The following FOXP2 variants were observed in gnomAD, a reference collection of about 807,000 sequenced individuals.
The protein encoded by FOXP2 is forkhead box P2, also known as forkhead box protein P2.
In FOXP2, 12 loss-of-function variants were observed where a neutral mutation model predicts 115.8. The ratio of observed to expected loss-of-function variants is 0.10; its 90% CI spans 0.07 to 0.17. The LOEUF is 0.17. Ranked by LOEUF, FOXP2 falls within the 10% of genes least tolerant of loss-of-function variation. The probability of loss-of-function intolerance (pLI) is 1.00; values close to 1 mark genes in which losing one functional copy is unlikely to be tolerated. For synonymous variants in FOXP2, 328 were observed against 297.7 expected (o/e 1.10, Z -1.05); for missense variants, 629 against 843.5 (o/e 0.75, Z 3.15).
intron 2 of FOXP2, among the ~76,000 whole-genome samples, 196 bp downstream of exon 2, chr7:114,426,875 G>A (rs760679121): frequency 6.6e-6 from 1 of 151,658 alleles, no homozygotes; most frequent in Non-Finnish European, 1.5e-5. Context: ...CAGTACCAGA[G>A]TACCCTTCAG....
At chr7:114,186,221 C>T (rs1362271322) in intron 1 of FOXP2, among the ~76,000 whole-genome samples, 2 of 152,134 alleles carry the variant, frequency 1.3e-5, no homozygotes, top group Non-Finnish European at 2.9e-5. Flanking sequence ...AAATTCCTTC[C>T]ATCCCAGTAG....
chr7:114,384,920 GA>G (rs1232322932), intron 2 of FOXP2, among the ~76,000 whole-genome samples: 1 of 151,890 alleles, frequency 6.6e-6, no homozygotes, highest in Non-Finnish European at 1.5e-5. Flanking sequence ...ACAACAAAGT[GA>G]CAATTATCAA....
At chr7:114,252,286 T>C (rs1325122459) in intron 1 of FOXP2, among the ~76,000 whole-genome samples, 1 of 152,204 alleles carries the variant, frequency 6.6e-6, no homozygotes, top group East Asian at 1.9e-4. Context: ...GGCTTTGGTA[T>C]CAGGATGATG....
intron 3 of FOXP2, among the ~76,000 whole-genome samples, chr7:114,600,811 T>G (rs1028286981): frequency 6.6e-6 from 1 of 152,218 alleles, no homozygotes; most frequent in Non-Finnish European, 1.5e-5. Flanking sequence ...GTGAGGTGTC[T>G]CTTCAGATCT....
At chr7:114,104,879 G>A (rs1483270050) in intron 1 of FOXP2, among the ~76,000 whole-genome samples, 1 of 151,930 alleles carries the variant, frequency 6.6e-6, no homozygotes, top group African/African-American at 2.4e-5. Flanking sequence ...ATGATGCTGA[G>A]GAAATATCTT....
intron 2 of FOXP2, among the ~76,000 whole-genome samples, chr7:114,294,542 A>T (rs914208821): frequency 1.3e-5 from 2 of 151,960 alleles, no homozygotes; most frequent in African/African-American, 2.4e-5. Flanking sequence ...AACAACATTT[A>T]AAAAAAATAA....
chr7:114,520,656 GTAGA>G lies in FOXP2; in HGVS notation c.169-13948_169-13945del, dbSNP rs552044783. 3.5e-3 allele frequency among the ~76,000 whole-genome samples: 536 copies of G among 152,128 alleles called. 1 individual carries two copies. The highest frequency in any genetic ancestry group is 5.3e-3 in the Non-Finnish European group (359 of 67,934). ...TGAAAATACAAACATAGGTAGGTAG[GTAGA>G]TAGATAGATAGACAGATATTAGATA... On this transcript the variant is annotated intron_variant, in intron 2 of 16. Transcript: ENST00000350908.
chr7:114,305,378 C>T (rs913586357), intron 2 of FOXP2, among the ~76,000 whole-genome samples: 3 of 152,138 alleles, frequency 2.0e-5, no homozygotes, highest in South Asian at 4.1e-4. Flanking sequence ...CAGTAGTTTT[C>T]GAGTATTACA....
In FOXP2 at chr7:114,476,787, C is replaced by T. The variant is rs1178488478; in HGVS notation, c.168+50108C>T. ...TTTCCCATTTGTTTGTGTCATCTCC[C>T]GATTTCTTTCAGCGGTGTTTTGTAG... is the stretch of plus-strand genomic sequence containing the variant. On this transcript the variant is annotated intron_variant, in intron 2 of 16. Coordinates refer to ENST00000350908, the MANE Select transcript of FOXP2 (RefSeq NM_014491.4). 2.6e-5 allele frequency among the ~76,000 whole-genome samples: 4 copies of T among 151,874 alleles called. No homozygotes were observed. In the South Asian group the frequency reaches 8.3e-4, roughly 32 times the overall value.
chr7:114,374,459 T>C (rs1467521937), intron 2 of FOXP2, among the ~76,000 whole-genome samples: 1 of 152,208 alleles, frequency 6.6e-6, no homozygotes. Flanking sequence ...TTAATATTTA[T>C]TGTATGTTAA....
intron 2 of FOXP2, among the ~76,000 whole-genome samples, chr7:114,376,909 C>T (rs553211858): frequency 3.3e-5 from 5 of 152,212 alleles, no homozygotes; most frequent in African/African-American, 7.2e-5. Context: ...TTTTTATAGA[C>T]GTGAGTTTAG....
chr7:114,197,549 A>C (rs368092937), intron 1 of FOXP2, among the ~76,000 whole-genome samples: 121 of 152,230 alleles, frequency 7.9e-4, no homozygotes, highest in Middle Eastern at 3.4e-3. Flanking sequence ...TTCAAATACC[A>C]TCATATTGGG....
intron 2 of FOXP2, among the ~76,000 whole-genome samples, chr7:114,384,310 C>G (rs548117314): frequency 3.3e-5 from 5 of 152,182 alleles, no homozygotes; most frequent in Non-Finnish European, 5.9e-5. Context: ...AAGATGCATT[C>G]CCATAAACAA....
At chr7:114,219,707 C>T (rs1371656524) in intron 1 of FOXP2, among the ~76,000 whole-genome samples, 1 of 152,014 alleles carries the variant, frequency 6.6e-6, no homozygotes, top group Non-Finnish European at 1.5e-5. Context: ...TAATTTGTTA[C>T]CCCTCCATTC....
At chr7:114,684,039 A>T (rs1487384775) in intron 16 of FOXP2, among the ~76,000 whole-genome samples, 2 of 151,916 alleles carry the variant, frequency 1.3e-5, no homozygotes, top group Non-Finnish European at 2.9e-5. Context: ...CTTTTAAAAA[A>T]TTTTTCTTTA....
chr7:114,237,749 G>A (rs764378518), intron 1 of FOXP2, among the ~76,000 whole-genome samples: 19 of 151,914 alleles, frequency 1.3e-4, no homozygotes, highest in Non-Finnish European at 2.6e-4. Context: ...TGAGGCAAGC[G>A]GATTACTTGA....
chr7:114,425,178 C>A (rs1584719155), intron 1 of FOXP2, among the ~76,000 whole-genome samples: 1 of 151,294 alleles, frequency 6.6e-6, no homozygotes, highest in Non-Finnish European at 1.5e-5. Context: ...TAATAAATGC[C>A]TTTCAAAATT....
Position 114,508,734 on chromosome 7 carries a change from T to G in FOXP2, c.169-25883T>G, listed in dbSNP as rs537958806. Among the ~76,000 whole-genome samples, 124 of 152,220 alleles carry G rather than the reference T, an allele frequency of 8.1e-4. 1 individual carries two copies. The highest frequency in any genetic ancestry group is 2.9e-3 in the African/African-American group (120 of 41,568). ...TTAGAATAACAGCAGTAAAAAGGATTGATCTGGGCTAAACTTTAAGAATTA... is the reference window on the plus strand; with the variant it reads ...TTAGAATAACAGCAGTAAAAAGGATGGATCTGGGCTAAACTTTAAGAATTA... On this transcript the variant is annotated intron_variant, in intron 2 of 16. Transcript: ENST00000350908.
intron 2 of FOXP2, among the ~76,000 whole-genome samples, chr7:114,482,171 G>A (rs974572846): frequency 1.3e-5 from 2 of 151,372 alleles, no homozygotes; most frequent in African/African-American, 4.8e-5. Flanking sequence ...TTTATGCATT[G>A]TGATATCATG....
Sources: gnomAD v4.1 joint callset for allele counts (sites outside exome capture counted in the v4.1 genomes callset) on GRCh38, gnomAD v4.1.1 for gene constraint, MANE v1.5 for transcripts, NCBI Gene and HGNC (gene_info 2026-07-23, HGNC 2026-07-21) for gene names.